The following DMD variants were observed in gnomAD, a reference collection of about 807,000 sequenced individuals.
DMD encodes mutant dystrophin.
In DMD, 63 loss-of-function variants were observed where a neutral mutation model predicts 330.1. The observed-to-expected ratio is 0.19, with a 90% CI of 0.16 to 0.24. The LOEUF is 0.24. Among genes scored for constraint, DMD ranks in the 10% least tolerant of loss-of-function variants. The pLI, the probability that DMD is intolerant of heterozygous loss-of-function variation, is 1.00. For synonymous variants in DMD, 1,223 were observed against 959.8 expected, an observed-to-expected ratio of 1.27 and a Z score of -5.07; for missense variants, 3,344 against 2,684.1, an observed-to-expected ratio of 1.25 and a Z score of -5.43.
At chrX:31,901,144 G>C (rs2094416214) in intron 47 of DMD, among the ~76,000 whole-genome samples, 1 of 111,538 alleles carries the variant, frequency 9.0e-6, no homozygotes, top group South Asian at 3.7e-4. Context: ...AGAAGCAGTT[G>C]AATCTACTGT....
chrX:32,503,631 C>T (rs897571762), intron 18 of DMD, among the ~76,000 whole-genome samples: 2 of 111,389 alleles, frequency 1.8e-5, no homozygotes, highest in African/African-American at 6.5e-5. Flanking sequence ...TCTCAGCTCA[C>T]TGCAACCTCT....
At chrX:32,047,422 T>C (rs1221141081) in intron 44 of DMD, among the ~76,000 whole-genome samples, 1 of 112,053 alleles carries the variant, frequency 8.9e-6, no homozygotes, top group Non-Finnish European at 1.9e-5. Flanking sequence ...AAGATTTAGT[T>C]TTAACAATAG....
At chrX:32,352,710 C>T (rs2097785945) in intron 37 of DMD, among the ~76,000 whole-genome samples, 2 of 110,396 alleles carry the variant, frequency 1.8e-5, no homozygotes, top group Non-Finnish European at 1.9e-5. Context: ...ATTATTCTTA[C>T]GTCGGTCTTA....
chrX:31,634,541 C>T (rs1198635136), intron 54 of DMD, among the ~76,000 whole-genome samples: 2 of 111,438 alleles, frequency 1.8e-5, no homozygotes, highest in Non-Finnish European at 3.8e-5. Flanking sequence ...TTCACTGATA[C>T]AGACATTTTA....
chrX:31,844,186 C>T (rs1472844559), intron 48 of DMD, among the ~76,000 whole-genome samples: 1 of 111,633 alleles, frequency 9.0e-6, no homozygotes, highest in African/African-American at 3.3e-5. Flanking sequence ...AATCTTTAAT[C>T]CATCTTGAGT....
chrX:32,930,519 G>A (rs1337118660), intron 2 of DMD, among the ~76,000 whole-genome samples: 1 of 110,587 alleles, frequency 9.0e-6, no homozygotes, highest in Non-Finnish European at 1.9e-5. Flanking sequence ...AACTAATCAA[G>A]ACGCTTTTAA....
chrX:31,987,567 CTTAGT>C (rs2050625442), intron 44 of DMD, among the ~76,000 whole-genome samples: 1 of 111,951 alleles, frequency 8.9e-6, no homozygotes, highest in Non-Finnish European at 1.9e-5. Context: ...CTGTGTTTGG[CTTAGT>C]TAATACAACA....
intron 7 of DMD, among the ~76,000 whole-genome samples, chrX:32,727,823 C>G (rs2067067576): frequency 9.2e-6 from 1 of 109,035 alleles, no homozygotes; most frequent in South Asian, 3.7e-4. Flanking sequence ...CCAAATTAGA[C>G]TGCTGTAAAA....
At chrX:32,554,415 T>C (rs2573324) in intron 16 of DMD, among the ~76,000 whole-genome samples, 21,600 of 110,036 alleles carry the variant, frequency 0.2, 1,709 homozygotes, top group East Asian at 0.37. Flanking sequence ...ATAAACACAA[T>C]GAAAAATTTG....
chrX:31,353,004 A>G (rs1315542699), intron 60 of DMD, among the ~76,000 whole-genome samples: 1 of 111,872 alleles, frequency 8.9e-6, no homozygotes, highest in Non-Finnish European at 1.9e-5. Context: ...CAGAAATGAT[A>G]TACCTGTGTC....
At chrX:33,306,093 T>C (rs2148943694) in intron 1 of DMD, among the ~76,000 whole-genome samples, 1 of 111,840 alleles carries the variant, frequency 8.9e-6, no homozygotes, top group African/African-American at 3.2e-5. Context: ...TGGCACTTTT[T>C]AGCTGTAAGG....
chrX:32,661,528 T>C (rs994942338), intron 9 of DMD, among the ~76,000 whole-genome samples: 1 of 111,324 alleles, frequency 9.0e-6, no homozygotes, highest in Non-Finnish European at 1.9e-5. Flanking sequence ...TTGTAATAAC[T>C]CAAGGGGAAG....
intron 55 of DMD, among the ~76,000 whole-genome samples, chrX:31,614,037 A>C (rs965410419): frequency 1.8e-5 from 2 of 112,516 alleles, no homozygotes; most frequent in African/African-American, 6.5e-5. Flanking sequence ...GAGAATCAAC[A>C]ATTTACCATA....
At chrX:33,179,998 G>C (rs2049903056) in intron 1 of DMD, among the ~76,000 whole-genome samples, 1 of 109,549 alleles carries the variant, frequency 9.1e-6, no homozygotes, top group Non-Finnish European at 1.9e-5. Context: ...CACCACGCCT[G>C]GCTAATTTTG....
intron 3 of DMD, among the ~76,000 whole-genome samples, chrX:32,846,189 CAGTT>C (rs1436570315): frequency 8.9e-6 from 1 of 111,740 alleles, no homozygotes; most frequent in Non-Finnish European, 1.9e-5. Flanking sequence ...CCTTGCAAGG[CAGTT>C]AGTTTCATCC....
intron 48 of DMD, among the ~76,000 whole-genome samples, chrX:31,859,788 T>G (rs566962437): frequency 8.9e-6 from 1 of 112,545 alleles, no homozygotes; most frequent in South Asian, 3.6e-4. Context: ...GTATTGCAAA[T>G]TGCAAGTGCA....
At chrX:32,781,567 G>A (rs2074765253) in intron 7 of DMD, among the ~76,000 whole-genome samples, 2 of 110,523 alleles carry the variant, frequency 1.8e-5, no homozygotes, top group Admixed American at 2.0e-4. Flanking sequence ...ATGTAATTAA[G>A]TAAATAAATT....
intron 9 of DMD, among the ~76,000 whole-genome samples, chrX:32,685,902 G>A (rs1002780658): frequency 2.1e-4 from 24 of 111,772 alleles, no homozygotes; most frequent in African/African-American, 7.5e-4. Flanking sequence ...ATATGTGACC[G>A]TTAATTATGT....
At chrX:31,878,853 C>T (rs898136593) in intron 47 of DMD, among the ~76,000 whole-genome samples, 3 of 112,273 alleles carry the variant, frequency 2.7e-5, no homozygotes, top group African/African-American at 9.7e-5. Flanking sequence ...GTACACTATG[C>T]TGCCAAGGCT....
Sources: allele counts gnomAD v4.1 joint callset (sites outside exome capture counted in the v4.1 genomes callset), GRCh38; gene constraint gnomAD v4.1.1; transcripts MANE v1.5; gene names NCBI Gene and HGNC (gene_info 2026-07-23, HGNC 2026-07-21).